The following SCN2A variants were observed in gnomAD, a reference collection of about 807,000 sequenced individuals.
SCN2A encodes sodium voltage-gated channel alpha subunit 2.
Under a neutral mutation model 188.7 loss-of-function variants are expected in SCN2A, and 20 were observed. The observed-to-expected ratio is 0.11, with a 90% CI of 0.07 to 0.15. SCN2A has a LOEUF of 0.15. Ranked by LOEUF, SCN2A falls within the 10% of genes least tolerant of loss-of-function variation. The probability of loss-of-function intolerance (pLI) is 1.00; values close to 1 mark genes in which losing one functional copy is unlikely to be tolerated. For synonymous variants in SCN2A, 804 were observed against 833.1 expected, an observed-to-expected ratio of 0.97 and a Z score of 0.60; for missense variants, 1,278 against 2,445.0, an observed-to-expected ratio of 0.52 and a Z score of 10.07.
intron 16 of SCN2A, among the ~76,000 whole-genome samples, chr2:165,351,430 T>G (rs1699911547): frequency 6.6e-6 from 1 of 152,160 alleles, no homozygotes; most frequent in African/African-American, 2.4e-5. Flanking sequence ...AATTCGAAAA[T>G]TAATAGTAAA....
intron 14 of SCN2A, among the ~76,000 whole-genome samples, chr2:165,339,563 A>G (rs1212447481): frequency 2.6e-5 from 4 of 152,170 alleles, no homozygotes; most frequent in Non-Finnish European, 5.9e-5. Context: ...TTACCATAAT[A>G]TCAAAAAACA....
chr2:165,372,973 G>T, intron 20 of SCN2A: 1 of 359,792 alleles, frequency 2.8e-6, no homozygotes, highest in Non-Finnish European at 5.2e-6. Context: ...ACATATATGG[G>T]CTTCTTTTTT....
intron 1 of SCN2A, among the ~76,000 whole-genome samples, chr2:165,291,450 C>A (rs1427039210): frequency 3.7e-5 from 1 of 27,110 alleles, no homozygotes; most frequent in Non-Finnish European, 9.0e-5. Flanking sequence ...TTCTTTCTTT[C>A]TTTCTTTCTT....
intron 1 of SCN2A, chr2:165,285,366 T>A: frequency 5.9e-6 from 1 of 169,572 alleles, no homozygotes. Flanking sequence ...ATGGAACAAT[T>A]GTGCTCAGGG....
At chr2:165,322,629 C>G (rs990448748) in intron 11 of SCN2A, among the ~76,000 whole-genome samples, 4 of 152,020 alleles carry the variant, frequency 2.6e-5, no homozygotes, top group Admixed American at 2.6e-4. Flanking sequence ...AGAAGCTGCC[C>G]CGTGTACTAT....
At chr2:165,374,639 T>A (rs757584314) in intron 21 of SCN2A, 46 bp from the exon 22 acceptor site, 1 of 1,585,274 alleles carries the variant, frequency 6.3e-7, no homozygotes, top group Admixed American at 1.7e-5. Context: ...TAAGTAAATA[T>A]TTGTTGTTGG....
At chr2:165,336,315 T>A (rs1387003545) in intron 14 of SCN2A, among the ~76,000 whole-genome samples, 1 of 151,918 alleles carries the variant, frequency 6.6e-6, no homozygotes, top group East Asian at 1.9e-4. Flanking sequence ...ATATTATTCA[T>A]AATACTAAAA....
intron 14 of SCN2A, among the ~76,000 whole-genome samples, chr2:165,332,913 A>G (rs1385027417): frequency 2.0e-5 from 3 of 151,964 alleles, no homozygotes; most frequent in Admixed American, 6.6e-5. Context: ...CTTCTTCCCA[A>G]TATGTGACCT....
chr2:165,309,689 A>G (rs942218647), intron 6 of SCN2A, among the ~76,000 whole-genome samples: 9 of 152,274 alleles, frequency 5.9e-5, no homozygotes, highest in Middle Eastern at 3.4e-3. Context: ...AACAGGCTAC[A>G]TGGTTTGCAT....
rs964897012 is a variant in SCN2A, at chr2:165,377,679, G to C, written c.4308+29G>C. On this transcript the variant is annotated intron_variant, in intron 23 of 26. Transcript: ENST00000375437. ...AGTCTAGTTAGAGGGAAATTGTTTA[G>C]TTTGATTAAATGTATATTTCTACAA... is the stretch of plus-strand genomic sequence containing the variant. 6 of 1,554,218 alleles carry C rather than the reference G, an allele frequency of 3.9e-6. No individual in the cohort carries two copies. In the African/African-American group the frequency reaches 6.8e-5, roughly 18 times the overall value.
chr2:165,318,684 G>T (rs1697899254), intron 11 of SCN2A, among the ~76,000 whole-genome samples: 3 of 152,170 alleles, frequency 2.0e-5, no homozygotes, highest in African/African-American at 7.2e-5. Context: ...TATGGCTCCA[G>T]CTGAATGGGG....
rs544310562 is a variant in SCN2A at position 165,386,963 on chromosome 2, T to C, written c.4769T>C (p.Phe1590Ser). The C allele has an allele frequency of 6.2e-7, 1 of 1,613,856 alleles. No individual in the cohort carries two copies. The highest frequency in any genetic ancestry group is 1.3e-5 in the African/African-American group (1 of 75,038). ...CTGATCTCTCTTCGTTACTACTATT[T>C]CACTATTGGATGGAATATTTTTGAT... is the stretch of plus-strand genomic sequence containing the variant. ...LKLISLRYYYFTIGWNIFDFV... is the reference protein window; with the variant it reads ...LKLISLRYYYSTIGWNIFDFV... Residue 1590 changes from phenylalanine (F) to serine (S), a missense_variant, in exon 26 of 27, where the codon TTC (phenylalanine) becomes TCC (serine). Transcript: ENST00000375437.
At chr2:165,247,815 T>C (rs1439682474) in intron 1 of SCN2A, among the ~76,000 whole-genome samples, 1 of 152,354 alleles carries the variant, frequency 6.6e-6, no homozygotes, top group Non-Finnish European at 1.5e-5. Context: ...TAACTGCTTA[T>C]TTGGCTTGGA....
In SCN2A at chr2:165,283,989, T is replaced by C. The variant is rs75154914; in HGVS notation, c.-51-11784T>C. 1.9e-3 allele frequency among the ~76,000 whole-genome samples: 295 copies of C among 152,124 alleles called. 3 individuals carry two copies. The East Asian group carries it at 0.036, about 19-fold the overall frequency. Reference sequence around the variant, plus strand: ...TGCCACAATTTAGGTAGTGTTGACATTACATGAAGAAATGAACCCATGGTC... The same window carrying C: ...TGCCACAATTTAGGTAGTGTTGACACTACATGAAGAAATGAACCCATGGTC... On this transcript the variant is annotated intron_variant, in intron 1 of 26. Transcript: ENST00000375437.
intron 17 of SCN2A, among the ~76,000 whole-genome samples, chr2:165,363,582 A>C (rs1700571324): frequency 1.3e-5 from 2 of 152,168 alleles, no homozygotes; most frequent in South Asian, 4.1e-4. Flanking sequence ...TTACGTGTAT[A>C]GAAACATAGT....
intron 1 of SCN2A, among the ~76,000 whole-genome samples, chr2:165,263,554 C>A (rs564498430): frequency 1.5e-4 from 23 of 152,034 alleles, no homozygotes; most frequent in African/African-American, 5.5e-4. Flanking sequence ...ATTTCTGAAT[C>A]CTGTATTCTG....
At chr2:165,291,494 T>TTTCTTTCTTTCTTTCTTTCTTTCTTTC (rs1559340326) in intron 1 of SCN2A, among the ~76,000 whole-genome samples, 10 of 36,640 alleles carry the variant, frequency 2.7e-4, no homozygotes, top group East Asian at 6.2e-4. Context: ...TTCTTTCTTT[T>TTTCTTTCTTTCTTTCTTTCTTTCTTTC]CTTTCTTTCT....
rs774770369 is a variant in SCN2A at position 165,315,688 on chromosome 2, G to C, written c.1601G>C (p.Arg534Thr). Reference sequence around the variant, plus strand: ...TCGGAATCTGAAGACAGCATAAGAAGAAAAGGTTTCCGTTTTTCCTTGGAA... The same window carrying C: ...TCGGAATCTGAAGACAGCATAAGAACAAAAGGTTTCCGTTTTTCCTTGGAA... ...RKSESEDSIR[R>T]KGFRFSLEGS... The change falls in exon 11 of 27, where the codon AGA becomes ACA. Residue 534 changes from arginine (R) to threonine (T), a missense_variant. By Grantham distance (71) the Arg-to-Thr change is moderately conservative. Around this residue, in one of 17 missense-constraint regions of SCN2A, gnomAD observed 315 missense variants for 386.6 expected, o/e 0.81. Transcript: ENST00000375437. The C allele has an allele frequency of 6.2e-7, 1 of 1,613,748 alleles. No individual in the cohort carries two copies. The highest frequency in any genetic ancestry group is 8.5e-7 in the Non-Finnish European group (1 of 1,179,906).
rs1007052146 is a variant in SCN2A, at chr2:165,295,906, G to A, written c.83G>A (p.Arg28His). The A allele has an allele frequency of 8.7e-6, 14 of 1,613,922 alleles. No individual in the cohort carries two copies. Among genetic ancestry groups the A allele is most frequent in the South Asian group, 4.4e-5 (4 of 91,074 alleles). Residue 28 changes from arginine (R) to histidine (H), a missense_variant, in exon 2 of 27, where the codon CGC (arginine) becomes CAC (histidine). By Grantham distance (29) the Arg-to-His change is conservative (BLOSUM62 0). This residue lies in a region of SCN2A where 141 missense variants were observed against 185.4 expected (regional missense o/e 0.76). Coordinates refer to ENST00000375437, the MANE Select transcript of SCN2A (RefSeq NM_001040142.2). ...GAATCCCTTGCTGCTATTGAACAAC[G>A]CATTGCAGAAGAGAAAGCTAAGAGA... ...TRESLAAIEQRIAEEKAKRPK... is the reference protein window; with the variant it reads ...TRESLAAIEQHIAEEKAKRPK...
Sources: gnomAD v4.1 joint callset for allele counts (sites outside exome capture counted in the v4.1 genomes callset) on GRCh38, gnomAD v4.1.1 for gene constraint, gnomAD v4.1.1 regional missense constraint, MANE v1.5 for transcripts, NCBI Gene and HGNC (gene_info 2026-07-23, HGNC 2026-07-21) for gene names.